The following NEO1 variants were observed in gnomAD, a reference collection of about 807,000 sequenced individuals.
The protein encoded by NEO1 is neogenin.
Under a neutral mutation model 159.7 loss-of-function variants are expected in NEO1, and 63 were observed. The observed-to-expected ratio is 0.39, with a 90% CI of 0.32 to 0.49. The LOEUF (loss-of-function observed/expected upper bound fraction) is 0.49. NEO1 is among the 20% of genes least tolerant of loss of function. The pLI is 0.85. For missense variants in NEO1, 1,615 were observed against 1,831.0 expected (o/e 0.88, Z 2.15); for synonymous variants, 633 against 662.0 (o/e 0.96, Z 0.67).
At chr15:73,061,515 G>T (rs2151250084) in intron 1 of NEO1, among the ~76,000 whole-genome samples, 1 of 152,280 alleles carries the variant, frequency 6.6e-6, no homozygotes, top group South Asian at 2.1e-4. Context: ...AGGTGAGGTG[G>T]CAGGGTATGG....
intron 5 of NEO1, among the ~76,000 whole-genome samples, chr15:73,165,498 G>A (rs925598805): frequency 1.4e-4 from 21 of 152,170 alleles, no homozygotes; most frequent in Non-Finnish European, 2.1e-4. Flanking sequence ...AAACCATCCA[G>A]TAGTCAATTT....
At chr15:73,197,973 G>T (rs2036633631) in intron 7 of NEO1, among the ~76,000 whole-genome samples, 1 of 152,028 alleles carries the variant, frequency 6.6e-6, no homozygotes, top group Admixed American at 6.6e-5. Context: ...GAACCCCCAT[G>T]CCTGTCCATG....
intron 7 of NEO1, among the ~76,000 whole-genome samples, chr15:73,216,986 A>G (rs1298550659): frequency 6.6e-5 from 10 of 151,894 alleles, no homozygotes; most frequent in Middle Eastern, 3.2e-3. Flanking sequence ...TTGGTGTTTT[A>G]GACATGAAGT....
intron 25 of NEO1, among the ~76,000 whole-genome samples, chr15:73,290,795 A>G (rs1386720329): frequency 1.3e-5 from 2 of 152,070 alleles, no homozygotes; most frequent in African/African-American, 4.8e-5. Context: ...TCAACAAACG[A>G]TGCGATTTAA....
At position 73,244,492 on chromosome 15, in the gene NEO1, C is replaced by G. The variant is rs754900769; in HGVS notation, c.1600C>G (p.Pro534Ala). The G allele has an allele frequency of 4.3e-6, 7 of 1,613,250 alleles. No individual in the cohort carries two copies. Among genetic ancestry groups the G allele is most frequent in the African/African-American group, 1.3e-5 (1 of 74,890 alleles). Reference sequence around the variant, plus strand: ...AGCTCCACTGCGAGTAGAAACACAACCTGAGGGTAAGTCTTCCACCTGTCT... The same window carrying G: ...AGCTCCACTGCGAGTAGAAACACAAGCTGAGGGTAAGTCTTCCACCTGTCT... ...SSAPLRVETQ[P>A]EVQLPGPAPN... Residue 534 changes from proline to alanine, a missense_variant, in exon 9 of 29, where the codon CCT becomes GCT. Physicochemically the swap from Pro to Ala is conservative, Grantham distance 27. Around this residue, in one of 3 missense-constraint regions of NEO1, gnomAD observed 1,018 missense variants for 1,115.4 expected, o/e 0.91. Coordinates refer to ENST00000261908, the MANE Select transcript of NEO1 (RefSeq NM_002499.4).
intron 9 of NEO1, among the ~76,000 whole-genome samples, chr15:73,247,558 CA>C (rs2039860655): frequency 6.6e-6 from 1 of 152,156 alleles, no homozygotes; most frequent in African/African-American, 2.4e-5. Context: ...ATAACTAAAG[CA>C]AACAACTGTT....
At chr15:73,138,256 T>A (rs1275208687) in intron 5 of NEO1, among the ~76,000 whole-genome samples, 2 of 152,176 alleles carry the variant, frequency 1.3e-5, no homozygotes, top group Non-Finnish European at 2.9e-5. Context: ...AGAAATCTGG[T>A]ATCGGGAGGA....
At chr15:73,231,400 C>A (rs1417312338) in intron 7 of NEO1, among the ~76,000 whole-genome samples, 1 of 152,076 alleles carries the variant, frequency 6.6e-6, no homozygotes, top group Non-Finnish European at 1.5e-5. Flanking sequence ...CCACAGTAAG[C>A]CTGCTGTTTG....
At chr15:73,240,809 T>C (rs542379380) in intron 8 of NEO1, among the ~76,000 whole-genome samples, 10 of 152,312 alleles carry the variant, frequency 6.6e-5, no homozygotes, top group East Asian at 5.8e-4. Flanking sequence ...ATAATAGTTT[T>C]TTGTTGCTTC....
intron 1 of NEO1, among the ~76,000 whole-genome samples, chr15:73,095,399 T>G (rs1176945335): frequency 6.6e-6 from 1 of 152,200 alleles, no homozygotes; most frequent in Non-Finnish European, 1.5e-5. Flanking sequence ...TGTCTGGCCC[T>G]CTACAGAAAA....
At chr15:73,241,921 G>A (rs2039505637) in intron 8 of NEO1, among the ~76,000 whole-genome samples, 1 of 151,838 alleles carries the variant, frequency 6.6e-6, no homozygotes, top group Non-Finnish European at 1.5e-5. Flanking sequence ...TCACATAGAA[G>A]CAAACAAAAA....
intron 3 of NEO1, among the ~76,000 whole-genome samples, chr15:73,123,958 C>T (rs369225607): frequency 6.6e-6 from 1 of 152,034 alleles, no homozygotes; most frequent in Non-Finnish European, 1.5e-5. Context: ...CTTTTTTTGT[C>T]GTTATCCCTC....
chr15:73,061,751 C>T lies in NEO1; in HGVS notation c.130+8946C>T, dbSNP rs1177265678. Among the ~76,000 whole-genome samples, 3 of 152,102 alleles carry T rather than the reference C, an allele frequency of 2.0e-5. No individual in the cohort carries two copies. The East Asian group carries it at 5.8e-4, about 29-fold the overall frequency. On this transcript the variant is annotated intron_variant, in intron 1 of 28. Transcript: ENST00000261908. ...ATAGCTATGGTCTATTTTATATATA[C>T]AATTATATACTTAAAATATCTGGTA...
At chr15:73,124,067 T>G (rs1283527569) in intron 3 of NEO1, among the ~76,000 whole-genome samples, 2 of 152,128 alleles carry the variant, frequency 1.3e-5, no homozygotes, top group Non-Finnish European at 2.9e-5. Context: ...CATATGCATA[T>G]GTGTATGTGT....
chr15:73,239,753 C>T lies in NEO1; in HGVS notation c.1451+3247C>T, dbSNP rs527736906. Among the ~76,000 whole-genome samples, 5 of 152,274 alleles carry T rather than the reference C, an allele frequency of 3.3e-5. No individual in the cohort carries two copies. The East Asian group carries it at 7.7e-4, about 24-fold the overall frequency. On this transcript the variant is annotated intron_variant, in intron 8 of 28. Transcript: ENST00000261908. ...ATAAGTGCATTCTGTGATGTTCACA[C>T]GATGAAATCACGTGATGCATTTGTC...
At chr15:73,157,684 T>TA (rs1261847947) in intron 5 of NEO1, among the ~76,000 whole-genome samples, 1 of 152,230 alleles carries the variant, frequency 6.6e-6, no homozygotes, top group Non-Finnish European at 1.5e-5. Context: ...CCCTCTTGGA[T>TA]AATATATTTA....
chr15:73,138,064 T>G (rs555335793), intron 5 of NEO1, among the ~76,000 whole-genome samples: 1 of 152,192 alleles, frequency 6.6e-6, no homozygotes, highest in Non-Finnish European at 1.5e-5. Flanking sequence ...TAGTAGACTG[T>G]TAAATAGGTG....
At chr15:73,174,522 A>G (rs941759690) in intron 5 of NEO1, among the ~76,000 whole-genome samples, 8 of 152,186 alleles carry the variant, frequency 5.3e-5, no homozygotes, top group Admixed American at 4.6e-4. Flanking sequence ...AGAAACTTAC[A>G]GGAGGGTGAT....
chr15:73,279,350 G>GTTTTTTTTT (rs1567679061), intron 22 of NEO1, among the ~76,000 whole-genome samples: 1 of 58,140 alleles, frequency 1.7e-5, no homozygotes, highest in Non-Finnish European at 5.5e-5. Flanking sequence ...TTTTGGTTTT[G>GTTTTTTTTT]GTTTTTTTTT....
Sources: gnomAD v4.1 joint callset for allele counts (sites outside exome capture counted in the v4.1 genomes callset) on GRCh38, gnomAD v4.1.1 for gene constraint, gnomAD v4.1.1 regional missense constraint, MANE v1.5 for transcripts, NCBI Gene and HGNC (gene_info 2026-07-23, HGNC 2026-07-21) for gene names.